Variants in CPD observed in about 807,000 individuals in gnomAD.
CPD encodes the protein metallocarboxypeptidase D.
Under a neutral mutation model 138.3 loss-of-function variants are expected in CPD, and 69 were observed. That is an observed-to-expected ratio of 0.50 (90% confidence interval 0.41 to 0.61). The LOEUF is 0.61. Ranked by LOEUF, CPD falls within the 20% of genes least tolerant of loss-of-function variation. The probability of loss-of-function intolerance (pLI) is 0.00; values close to 1 mark genes in which losing one functional copy is unlikely to be tolerated. For missense variants in CPD, 1,432 were observed against 1,733.3 expected (o/e 0.83, Z 3.09); for synonymous variants, 651 against 642.1 (o/e 1.01, Z -0.21).
At chr17:30,462,906 TG>T (rs150409507) in intron 20 of CPD, among the ~76,000 whole-genome samples, 2,817 of 152,320 alleles carry the variant, frequency 0.018, 91 homozygotes, top group African/African-American at 0.064. Context: ...AGGGATGGGT[TG>T]GGCTAGTTAT....
chr17:30,432,343 T>C (rs532145932), intron 8 of CPD, among the ~76,000 whole-genome samples: 2 of 152,298 alleles, frequency 1.3e-5, no homozygotes, highest in South Asian at 4.1e-4. Context: ...ATTAACAAAC[T>C]AAAGAAGGAA....
At chr17:30,405,480 T>G (rs1911779874) in intron 2 of CPD, among the ~76,000 whole-genome samples, 2 of 152,188 alleles carry the variant, frequency 1.3e-5, no homozygotes, top group South Asian at 4.1e-4. Context: ...CACAATATGA[T>G]GTAAAACTCC....
At chr17:30,384,837 C>A in intron 1 of CPD, 152 bp from the exon 2 acceptor site, 1 of 711,908 alleles carries the variant, frequency 1.4e-6, no homozygotes, top group Non-Finnish European at 2.2e-6. Context: ...TGTTGTTAGT[C>A]TCCTTATAAC....
chr17:30,448,986 T>C (rs1913098340), intron 12 of CPD, among the ~76,000 whole-genome samples: 1 of 152,044 alleles, frequency 6.6e-6, no homozygotes, highest in African/African-American at 2.4e-5. Context: ...TGCAAACCTG[T>C]AGTACTACTC....
chr17:30,390,505 G>A (rs1398277806), intron 2 of CPD, among the ~76,000 whole-genome samples: 4 of 152,198 alleles, frequency 2.6e-5, no homozygotes, highest in Admixed American at 1.3e-4. Flanking sequence ...CTGAGTTCCT[G>A]CCGTGCCACA....
chr17:30,427,380 A>T lies in CPD; in HGVS notation c.1850-11A>T, dbSNP rs1172945119. ...ATGGCTTATATTCAAATCCTTTATC[A>T]TATCATACAGGAGATTCAATAAGTG... On this transcript the variant is annotated splice_polypyrimidine_tract_variant and intron_variant, in intron 6 of 20. Coordinates refer to ENST00000225719, the MANE Select transcript of CPD (RefSeq NM_001304.5). 2 of 1,612,676 alleles carry T rather than the reference A, an allele frequency of 1.2e-6. No individual in the cohort carries two copies. The highest frequency in any genetic ancestry group is 1.3e-5 in the African/African-American group (1 of 74,908).
Position 30,445,710 on chromosome 17 carries a change from A to C in CPD, c.2563A>C (p.Asn855His). ...TCATAGGTATAATCCAGTTACCAAG[A>C]ATGTGACTGTCAAGAGTGAAGGCGC... The part of the protein sequence containing the change: ...SARGYNPVTK[N>H]VTVKSEGAIQ... The change falls in exon 12 of 21, where the codon AAT (asparagine) becomes CAT (histidine). Residue 855 changes from asparagine (N) to histidine (H), a missense_variant. Asn to His is a moderately conservative substitution (Grantham distance 68). This residue lies in a region of CPD where 297 missense variants were observed against 405.3 expected (regional missense o/e 0.73). Transcript: ENST00000225719. 2 of 1,608,800 alleles carry C rather than the reference A, an allele frequency of 1.2e-6. No individual in the cohort carries two copies. The highest frequency in any genetic ancestry group is 1.7e-6 in the Non-Finnish European group (2 of 1,177,116).
chr17:30,446,764 A>G (rs1331625839), intron 12 of CPD, among the ~76,000 whole-genome samples: 3 of 152,318 alleles, frequency 2.0e-5, no homozygotes, highest in African/African-American at 7.2e-5. Flanking sequence ...GACTTCCACA[A>G]TGGTTGAACT....
intron 8 of CPD, among the ~76,000 whole-genome samples, chr17:30,438,712 TAATA>T (rs1912769455): frequency 6.6e-6 from 1 of 152,140 alleles, no homozygotes; most frequent in South Asian, 2.1e-4. Context: ...TAATTGCGAG[TAATA>T]AATGAAGTCA....
chr17:30,452,008 T>C (rs1226317502), intron 14 of CPD, among the ~76,000 whole-genome samples, 162 bp downstream of exon 14: 1 of 152,234 alleles, frequency 6.6e-6, no homozygotes, highest in Non-Finnish European at 1.5e-5. Flanking sequence ...GTTTTTGAAT[T>C]TTTCTCCATT....
intron 10 of CPD, among the ~76,000 whole-genome samples, chr17:30,443,407 A>T (rs1382927317): frequency 6.6e-6 from 1 of 152,180 alleles, no homozygotes; most frequent in Non-Finnish European, 1.5e-5. Flanking sequence ...TATGACCAGG[A>T]TCTAGTCAAG....
At chr17:30,390,454 C>T (rs1911324767) in intron 2 of CPD, among the ~76,000 whole-genome samples, 1 of 152,216 alleles carries the variant, frequency 6.6e-6, no homozygotes, top group Non-Finnish European at 1.5e-5. Flanking sequence ...GAGAGAGGAA[C>T]TAACTTGTGC....
intron 2 of CPD, among the ~76,000 whole-genome samples, chr17:30,389,524 T>C (rs1447508763): frequency 6.6e-6 from 1 of 152,236 alleles, no homozygotes; most frequent in Non-Finnish European, 1.5e-5. Context: ...ATGATGTTAC[T>C]TAAAATAATG....
intron 7 of CPD, among the ~76,000 whole-genome samples, chr17:30,428,121 C>T (rs1387544579): frequency 1.3e-5 from 2 of 152,206 alleles, no homozygotes; most frequent in South Asian, 2.1e-4. Flanking sequence ...CTCTTTTTTA[C>T]TTGGTATATC....
At chr17:30,433,563 A>G (rs1397574738) in intron 8 of CPD, among the ~76,000 whole-genome samples, 1 of 152,016 alleles carries the variant, frequency 6.6e-6, no homozygotes, top group Non-Finnish European at 1.5e-5. Flanking sequence ...TTTTCTCCAT[A>G]CCAATATTAC....
chr17:30,401,162 A>C (rs1911648612), intron 2 of CPD, among the ~76,000 whole-genome samples: 1 of 151,842 alleles, frequency 6.6e-6, no homozygotes, highest in Admixed American at 6.6e-5. Context: ...TACGCACATC[A>C]TTTTTCTATG....
intron 2 of CPD, among the ~76,000 whole-genome samples, chr17:30,400,812 C>T (rs9889763): frequency 0.51 from 75,646 of 147,310 alleles, 20,117 homozygotes; most frequent in East Asian, 0.83. Flanking sequence ...CGCCTACCAC[C>T]ACGCCCGGTT....
At position 30,418,335 on chromosome 17, in the gene CPD, C is replaced by G. The variant is rs1912173150; in HGVS notation, c.995-2506C>G. ...AGCTATGATGACAGGCATGTGCCACCATGCCCAGCTAATTTTTTTGTATTT... is the reference window on the plus strand; with the variant it reads ...AGCTATGATGACAGGCATGTGCCACGATGCCCAGCTAATTTTTTTGTATTT... On this transcript the variant is annotated intron_variant, in intron 2 of 20. Coordinates refer to ENST00000225719, the MANE Select transcript of CPD (RefSeq NM_001304.5). Among the ~76,000 whole-genome samples, 4 of 152,074 alleles carry G rather than the reference C, an allele frequency of 2.6e-5. No homozygotes were observed. In the South Asian group the frequency reaches 8.3e-4, roughly 32 times the overall value.
intron 2 of CPD, among the ~76,000 whole-genome samples, chr17:30,398,996 G>T (rs1379710555): frequency 6.6e-6 from 1 of 151,872 alleles, no homozygotes; most frequent in Non-Finnish European, 1.5e-5. Context: ...ACATTTATGA[G>T]TTTGAAGAAG....
Sources: allele counts gnomAD v4.1 joint callset (sites outside exome capture counted in the v4.1 genomes callset), GRCh38; gene constraint gnomAD v4.1.1; regional missense constraint gnomAD v4.1.1; transcripts MANE v1.5; gene names NCBI Gene and HGNC (gene_info 2026-07-23, HGNC 2026-07-21).